RSPH14: variants seen among roughly 807,000 people sequenced by gnomAD.
The protein encoded by RSPH14 is radial spoke head 14 homolog.
Under a neutral mutation model 26.7 loss-of-function variants are expected in RSPH14, and 20 were observed. The ratio of observed to expected loss-of-function variants is 0.75; its 90% CI spans 0.53 to 1.09. The LOEUF (loss-of-function observed/expected upper bound fraction) is 1.09. Ranked by LOEUF, RSPH14 falls within the 50% of genes least tolerant of loss-of-function variation. RSPH14 has a pLI of 0.00. For synonymous variants in RSPH14, 177 were observed against 189.3 expected, an observed-to-expected ratio of 0.93 and a Z score of 0.53; for missense variants, 449 against 457.2, an observed-to-expected ratio of 0.98 and a Z score of 0.16.
At position 23,079,005 on chromosome 22, in the gene RSPH14, G is replaced by A. The variant is rs184225203; in HGVS notation, c.422-14872C>T. 3.1e-4 allele frequency among the ~76,000 whole-genome samples: 47 copies of A among 152,280 alleles called. 1 individual carries two copies. Among genetic ancestry groups the A allele is most frequent in the Admixed American group, 5.2e-4 (8 of 15,302 alleles). On this transcript the variant is annotated intron_variant, in intron 4 of 6. Transcript: ENST00000216036. ...CCCAACTATCCCCTCCGTGAGCCACGTTGACCGATTCCTCACTCAGTCACT... is the reference window on the plus strand; with the variant it reads ...CCCAACTATCCCCTCCGTGAGCCACATTGACCGATTCCTCACTCAGTCACT...
upstream of RSPH14, chr22:23,145,442 C>A (rs537591770): frequency 1.1e-5 from 18 of 1,610,702 alleles, no homozygotes; most frequent in Non-Finnish European, 1.4e-5. Flanking sequence ...ACGACGTCGA[C>A]GATTCGTGTA....
At chr22:23,068,660 A>T (rs2068266349) in intron 4 of RSPH14, among the ~76,000 whole-genome samples, 1 of 152,246 alleles carries the variant, frequency 6.6e-6, no homozygotes, top group Non-Finnish European at 1.5e-5. Flanking sequence ...CTCTGCAAAC[A>T]ATTCAACTCT....
the RSPH14 span, chr22:23,162,704 C>T: frequency 2.2e-6 from 1 of 456,202 alleles, no homozygotes; most frequent in African/African-American, 2.0e-5. Flanking sequence ...CCACTCATCC[C>T]ACCCGTCTCG....
At chr22:23,075,226 G>A (rs1348051591) in intron 4 of RSPH14, among the ~76,000 whole-genome samples, 2 of 152,162 alleles carry the variant, frequency 1.3e-5, no homozygotes, top group South Asian at 2.1e-4. Context: ...CTGAGTGGGC[G>A]GGTGGGTTGC....
chr22:23,061,959 G>A lies in RSPH14; in HGVS notation c.654-14C>T, dbSNP rs989389326. 9.9e-6 allele frequency: 16 copies of A among 1,613,546 alleles called. No homozygotes were observed. The highest frequency in any genetic ancestry group is 1.3e-5 in the Non-Finnish European group (15 of 1,179,960). On this transcript the variant is annotated splice_polypyrimidine_tract_variant and intron_variant, in intron 5 of 6. Coordinates refer to ENST00000216036, the MANE Select transcript of RSPH14 (RefSeq NM_014433.3). ...TCTCGAGATATGCTGGGGCAGAGAG[G>A]GAACAGAGAGGGGCTCTGCTTGGAA...
chr22:23,162,874 C>A, the RSPH14 span: 5 of 379,840 alleles, frequency 1.3e-5, no homozygotes, highest in African/African-American at 6.4e-5. Flanking sequence ...TCTATTCATT[C>A]CCCCTTCAAC....
chr22:23,142,695 C>G (rs1404265157), upstream of RSPH14, among the ~76,000 whole-genome samples: 5 of 152,226 alleles, frequency 3.3e-5, no homozygotes, highest in African/African-American at 1.2e-4. Flanking sequence ...GCCCATGCCC[C>G]TTGCTCTTCA....
At chr22:23,064,375 C>T (rs561909016) in intron 4 of RSPH14, among the ~76,000 whole-genome samples, 1 of 152,180 alleles carries the variant, frequency 6.6e-6, no homozygotes, top group Non-Finnish European at 1.5e-5. Flanking sequence ...CAGGAAGGAC[C>T]AGTCTTTTGT....
At chr22:23,180,076 C>T in the RSPH14 span, 8 of 336,140 alleles carry the variant, frequency 2.4e-5, no homozygotes, top group South Asian at 2.4e-4. Context: ...TTGCTTCTGT[C>T]GGAGGACTGC....
intron 4 of RSPH14, among the ~76,000 whole-genome samples, chr22:23,108,939 G>A (rs2069564144): frequency 6.6e-6 from 1 of 152,202 alleles, no homozygotes; most frequent in Non-Finnish European, 1.5e-5. Flanking sequence ...AGGAGCTTAG[G>A]AATTGTCTGA....
intron 4 of RSPH14, chr22:23,124,528 C>T (rs971637643): frequency 2.6e-5 from 8 of 307,366 alleles, no homozygotes; most frequent in Middle Eastern, 4.5e-4. Context: ...AAAATAAACA[C>T]GACATATTTA....
At chr22:23,118,315 G>A (rs1009494215) in intron 4 of RSPH14, among the ~76,000 whole-genome samples, 3 of 152,350 alleles carry the variant, frequency 2.0e-5, no homozygotes, top group Admixed American at 6.5e-5. Flanking sequence ...TGTCTGCTCC[G>A]TGTTATTTAT....
chr22:23,089,336 T>A (rs1017324623), intron 4 of RSPH14, among the ~76,000 whole-genome samples: 2 of 152,126 alleles, frequency 1.3e-5, no homozygotes, highest in African/African-American at 4.8e-5. Flanking sequence ...GAGCAAAGCT[T>A]TGGGGACAGC....
chr22:23,121,422 C>T (rs1601839603), intron 4 of RSPH14, among the ~76,000 whole-genome samples: 2 of 152,318 alleles, frequency 1.3e-5, no homozygotes, highest in South Asian at 4.1e-4. Flanking sequence ...TCCTGGGCAC[C>T]CCTGCCCTCA....
At chr22:23,062,500 G>A (rs2068117757) in intron 5 of RSPH14, among the ~76,000 whole-genome samples, 1 of 152,338 alleles carries the variant, frequency 6.6e-6, no homozygotes, top group East Asian at 1.9e-4. Context: ...GGCTCCCTGG[G>A]CCAGGAAACA....
At chr22:23,149,901 T>C (rs866439642), upstream of RSPH14, among the ~76,000 whole-genome samples, 27 of 152,170 alleles carry the variant, frequency 1.8e-4, no homozygotes, top group African/African-American at 5.8e-4. Context: ...GCTGAGGAAA[T>C]AGAAGATACA....
Position 23,084,356 on chromosome 22 carries a change from T to A in RSPH14, c.422-20223A>T, listed in dbSNP as rs143312020. 7.9e-5 allele frequency among the ~76,000 whole-genome samples: 12 copies of A among 152,320 alleles called. No homozygotes were observed. In the East Asian group the frequency reaches 1.9e-3, roughly 24 times the overall value. On this transcript the variant is annotated intron_variant, in intron 4 of 6. Coordinates refer to ENST00000216036, the MANE Select transcript of RSPH14 (RefSeq NM_014433.3). ...TTCCACAAGATACGGGTTAGATTCT[T>A]TTGTCTACCTGCAGGCTAATGTAAG...
At chr22:23,116,680 G>C (rs1012597904) in intron 4 of RSPH14, among the ~76,000 whole-genome samples, 2 of 152,172 alleles carry the variant, frequency 1.3e-5, no homozygotes, top group Non-Finnish European at 2.9e-5. Context: ...GAACGTGTGA[G>C]GCCCTGGATG....
At chr22:23,145,309 G>C, upstream of RSPH14, 1 of 1,519,806 alleles carries the variant, frequency 6.6e-7, no homozygotes, top group East Asian at 2.3e-5. Flanking sequence ...TCTCCAGGGT[G>C]TCCAGGAGTC....
Sources: allele counts gnomAD v4.1 joint callset (sites outside exome capture counted in the v4.1 genomes callset), GRCh38; gene constraint gnomAD v4.1.1; transcripts MANE v1.5; gene names NCBI Gene and HGNC (gene_info 2026-07-23, HGNC 2026-07-21).